Variants in CNTNAP2 observed in about 807,000 individuals in gnomAD.
CNTNAP2 encodes the protein contactin-associated protein-like 2.
Under a neutral mutation model 155.2 loss-of-function variants are expected in CNTNAP2, and 98 were observed. The observed-to-expected ratio is 0.63, with a 90% CI of 0.54 to 0.75. CNTNAP2 has a LOEUF of 0.75. Among genes scored for constraint, CNTNAP2 ranks in the 30% least tolerant of loss-of-function variants. The pLI, the probability that CNTNAP2 is intolerant of heterozygous loss-of-function variation, is 0.00. For missense variants in CNTNAP2, 1,727 were observed against 1,688.1 expected, an observed-to-expected ratio of 1.02 and a Z score of -0.40; for synonymous variants, 651 against 631.2, an observed-to-expected ratio of 1.03 and a Z score of -0.47.
At chr7:147,760,867 A>G (rs1797287695) in intron 13 of CNTNAP2, among the ~76,000 whole-genome samples, 1 of 152,236 alleles carries the variant, frequency 6.6e-6, no homozygotes, top group Admixed American at 6.5e-5. Flanking sequence ...AAAGACCTAT[A>G]GAAGAAATCA....
At chr7:146,809,697 G>A (rs1207524155) in intron 2 of CNTNAP2, among the ~76,000 whole-genome samples, 1 of 152,054 alleles carries the variant, frequency 6.6e-6, no homozygotes, top group African/African-American at 2.4e-5. Flanking sequence ...CTTTGAAAAT[G>A]TGTCTTCACT....
chr7:147,456,399 A>G (rs1797918625), intron 10 of CNTNAP2, among the ~76,000 whole-genome samples: 1 of 152,242 alleles, frequency 6.6e-6, no homozygotes, highest in African/African-American at 2.4e-5. Context: ...GATGGCAAGC[A>G]TAACTTTAAC....
At chr7:147,705,362 A>G (rs932467847) in intron 13 of CNTNAP2, among the ~76,000 whole-genome samples, 1 of 152,150 alleles carries the variant, frequency 6.6e-6, no homozygotes, top group South Asian at 2.1e-4. Flanking sequence ...CAGTTTTTAA[A>G]GTGTCCCTTG....
At chr7:147,326,629 G>A (rs187358486) in intron 9 of CNTNAP2, among the ~76,000 whole-genome samples, 121 of 152,290 alleles carry the variant, frequency 7.9e-4, no homozygotes, top group South Asian at 4.1e-4. Context: ...GCAATGACAC[G>A]ATTTTACATC....
chr7:146,946,231 G>A (rs1381651540), intron 3 of CNTNAP2, among the ~76,000 whole-genome samples: 1 of 151,378 alleles, frequency 6.6e-6, no homozygotes, highest in Non-Finnish European at 1.5e-5. Flanking sequence ...GAAAATATCT[G>A]ACTGCTTGAG....
At chr7:147,164,498 T>C (rs1802082591) in intron 8 of CNTNAP2, among the ~76,000 whole-genome samples, 1 of 152,198 alleles carries the variant, frequency 6.6e-6, no homozygotes, top group Non-Finnish European at 1.5e-5. Flanking sequence ...AATTGACACA[T>C]AACAATTGTA....
chr7:148,331,095 T>C (rs1204095971), intron 21 of CNTNAP2, among the ~76,000 whole-genome samples: 3 of 129,278 alleles, frequency 2.3e-5, no homozygotes, highest in Non-Finnish European at 3.2e-5. Flanking sequence ...AGTGGACGGA[T>C]GGAATGGACA....
At chr7:147,245,409 C>A (rs1045489446) in intron 8 of CNTNAP2, among the ~76,000 whole-genome samples, 1 of 152,052 alleles carries the variant, frequency 6.6e-6, no homozygotes, top group African/African-American at 2.4e-5. Context: ...CCCCCTCAAT[C>A]CACCTCAGCC....
At chr7:147,258,152 A>G (rs1804372654) in intron 8 of CNTNAP2, among the ~76,000 whole-genome samples, 1 of 152,226 alleles carries the variant, frequency 6.6e-6, no homozygotes, top group African/African-American at 2.4e-5. Context: ...CTCAATCATC[A>G]TGGAACAGTC....
At chr7:148,326,250 G>A (rs1436469698) in intron 21 of CNTNAP2, among the ~76,000 whole-genome samples, 2 of 152,046 alleles carry the variant, frequency 1.3e-5, no homozygotes, top group Non-Finnish European at 2.9e-5. Context: ...GGGAGAGCTT[G>A]GCGCTCAGGA....
intron 1 of CNTNAP2, among the ~76,000 whole-genome samples, chr7:146,174,181 G>A (rs1233392832): frequency 2.7e-5 from 4 of 150,560 alleles, no homozygotes; most frequent in African/African-American, 9.8e-5. Flanking sequence ...TAGCCTGGGT[G>A]ACAGACTAAG....
intron 8 of CNTNAP2, chr7:147,167,607 G>A (rs1346669198): frequency 4.3e-6 from 3 of 700,408 alleles, no homozygotes; most frequent in Non-Finnish European, 6.9e-6. Context: ...AGCATCAGAA[G>A]TCTAGTTTTA....
intron 21 of CNTNAP2, chr7:148,381,466 G>A (rs1002025203): frequency 6.6e-6 from 1 of 152,236 alleles, no homozygotes; most frequent in Non-Finnish European, 1.5e-5. Context: ...TTCTCCTGAA[G>A]TCCAGCCATC....
chr7:147,508,872 T>C (rs1030572749), intron 11 of CNTNAP2, among the ~76,000 whole-genome samples: 14 of 152,200 alleles, frequency 9.2e-5, no homozygotes, highest in African/African-American at 3.4e-4. Flanking sequence ...TGTGAGTCCA[T>C]TAAACCTCTT....
At chr7:146,372,531 G>T (rs1335374811) in intron 1 of CNTNAP2, among the ~76,000 whole-genome samples, 4 of 152,082 alleles carry the variant, frequency 2.6e-5, no homozygotes, top group Non-Finnish European at 5.9e-5. Flanking sequence ...TTCACCACAT[G>T]TTTTAAAAGC....
At chr7:147,736,437 C>T (rs1325613113) in intron 13 of CNTNAP2, among the ~76,000 whole-genome samples, 1 of 152,160 alleles carries the variant, frequency 6.6e-6, no homozygotes, top group Non-Finnish European at 1.5e-5. Context: ...CGACCTTTCT[C>T]TCTGGCTGCC....
At chr7:146,461,557 TCA>T (rs1224157088) in intron 1 of CNTNAP2, among the ~76,000 whole-genome samples, 8 of 152,234 alleles carry the variant, frequency 5.3e-5, no homozygotes, top group African/African-American at 1.2e-4. Flanking sequence ...AATGTGATTC[TCA>T]CAGAAAAATT....
chr7:146,358,131 T>G (rs1795029630), intron 1 of CNTNAP2, among the ~76,000 whole-genome samples: 1 of 152,050 alleles, frequency 6.6e-6, no homozygotes, highest in African/African-American at 2.4e-5. Flanking sequence ...GCCTGCCGGG[T>G]TCACGCCATT....
intron 1 of CNTNAP2, among the ~76,000 whole-genome samples, chr7:146,216,934 A>G (rs990311418): frequency 1.3e-5 from 2 of 152,228 alleles, no homozygotes; most frequent in Admixed American, 1.3e-4. Context: ...TGGCTGTTGT[A>G]AAGTTCTTCT....
Sources: gnomAD v4.1 joint callset for allele counts (sites outside exome capture counted in the v4.1 genomes callset) on GRCh38, gnomAD v4.1.1 for gene constraint, MANE v1.5 for transcripts, NCBI Gene and HGNC (gene_info 2026-07-23, HGNC 2026-07-21) for gene names.